DEFA4: variants seen among roughly 807,000 people sequenced by gnomAD.
The protein encoded by DEFA4 is defensin alpha 4.
A neutral mutation model predicts 4.4 loss-of-function variants in DEFA4; 8 were observed. The observed-to-expected ratio is 1.82, with a 90% CI of 1.07 to 3.29. The LOEUF (loss-of-function observed/expected upper bound fraction) is 3.29, where lower values mean the gene tolerates loss of function less well. DEFA4 is among the 30% of genes most tolerant of loss of function. The pLI, the probability that DEFA4 is intolerant of heterozygous loss-of-function variation, is 0.00. For missense variants in DEFA4, 216 were observed against 127.0 expected (o/e 1.70, Z -3.37); for synonymous variants, 77 against 46.5 (o/e 1.66, Z -2.67).
chr8:6,936,586 C>T (rs945342904), intron 2 of DEFA4, 142 bp downstream of exon 2: 2 of 773,436 alleles, frequency 2.6e-6, no homozygotes, highest in Non-Finnish European at 3.9e-6. Flanking sequence ...TCTCTCTATT[C>T]AGTTTGGAGA....
chr8:6,936,763 A>G lies in DEFA4; in HGVS notation c.137T>C (p.Phe46Ser). ...AAGAGCAGAGCTTTTATCCCATGCA[A>G]AGGAAATAGATATGTCCTGGTCTTC... Reference protein sequence around the residue: ...GPEDQDISISFAWDKSSALQV... With the variant: ...GPEDQDISISSAWDKSSALQV... Residue 46 changes from phenylalanine to serine, a missense_variant, in exon 2 of 3, where the codon TTT becomes TCT. Physicochemically the swap from Phe to Ser is radical, Grantham distance 155. Transcript: ENST00000297435. 6.2e-7 allele frequency: 1 copy of G among 1,611,872 alleles called. No individual in the cohort carries two copies. The highest frequency in any genetic ancestry group is 8.5e-7 in the Non-Finnish European group (1 of 1,178,852).
intron 1 of DEFA4, 56 bp from the exon 2 acceptor site, chr8:6,936,967 T>C: frequency 1.4e-6 from 2 of 1,390,264 alleles, no homozygotes; most frequent in South Asian, 3.2e-5. Context: ...AGCTTGGATT[T>C]ATAGCTTTGC....
chr8:6,936,804 C>T lies in DEFA4; in HGVS notation c.96G>A (p.Gln32=). The T allele has an allele frequency of 6.2e-7, 1 of 1,613,814 alleles. No homozygotes were observed. Among genetic ancestry groups the T allele is most frequent in the Non-Finnish European group, 8.5e-7 (1 of 1,179,878 alleles). The part of the protein sequence containing the change: ...LQARGDEAPG[Q]EQRGPEDQDI... ...CCTGGTCTTCTGGCCCACGCTGCTC[C>T]TGGCCTGGAGCCTCATCACCTCTTG... Residue 32 remains glutamine (Q), a synonymous_variant, in exon 2 of 3, where the codon CAG becomes CAA. Coordinates refer to ENST00000297435, the MANE Select transcript of DEFA4 (RefSeq NM_001925.3).
At chr8:6,937,351 G>A (rs539116291) in intron 1 of DEFA4, among the ~76,000 whole-genome samples, 38 of 152,148 alleles carry the variant, frequency 2.5e-4, no homozygotes, top group South Asian at 8.4e-4. Context: ...CCTGTATTCC[G>A]GTGGAGTAGA....
In DEFA4 at chr8:6,935,973, A is replaced by T. The variant is rs768898104; in HGVS notation, c.*47T>A. On this transcript the variant is annotated 3_prime_UTR_variant, in exon 3 of 3. Transcript: ENST00000297435. ...TGCAGAAGCATGTGAAGCTAACACC[A>T]CCGATGATGGCGTTCCCAGCATGAC... 1.2e-6 allele frequency: 2 copies of T among 1,611,692 alleles called. No homozygotes were observed. The highest frequency in any genetic ancestry group is 1.7e-6 in the Non-Finnish European group (2 of 1,178,054).
At chr8:6,936,971 G>A (rs56080226) in intron 1 of DEFA4, 60 bp from the exon 2 acceptor site, 26,315 of 1,363,764 alleles carry the variant, frequency 0.019, 360 homozygotes, top group South Asian at 0.034. Flanking sequence ...TGGATTTATA[G>A]CTTTGCTGGG....
chr8:6,936,613 C>T (rs762841558), intron 2 of DEFA4, 115 bp downstream of exon 2: 56 of 1,100,290 alleles, frequency 5.1e-5, no homozygotes, highest in Non-Finnish European at 6.6e-5. Flanking sequence ...AATCGAGGCC[C>T]AGAGATGGTA....
chr8:6,937,016 G>C, intron 1 of DEFA4, 105 bp from the exon 2 acceptor site: 1 of 1,000,980 alleles, frequency 1.0e-6, no homozygotes, highest in East Asian at 2.9e-5. Context: ...TTGGCCTTCT[G>C]AGTGAGAGGA....
At chr8:6,936,566 C>T (rs914198062) in intron 2 of DEFA4, among the ~76,000 whole-genome samples, 162 bp downstream of exon 2, 4 of 152,164 alleles carry the variant, frequency 2.6e-5, no homozygotes, top group Admixed American at 6.5e-5. Flanking sequence ...AGACTACTTA[C>T]ATTTGTTTGT....
At position 6,936,174 on chromosome 8, in the gene DEFA4, C is replaced by T. The variant is rs561916588; in HGVS notation, c.173-33G>A. On this transcript the variant is annotated intron_variant, in intron 2 of 2. Coordinates refer to ENST00000297435, the MANE Select transcript of DEFA4 (RefSeq NM_001925.3). ...CACAGAGGAAGCATGAGAAATTAAG[C>T]ACCAAGGTCAGCGGTGGGTGGTAAA... 13 of 1,611,002 alleles carry T rather than the reference C, an allele frequency of 8.1e-6. No individual in the cohort carries two copies. In the South Asian group the frequency reaches 1.1e-4, roughly 14 times the overall value.
At position 6,935,928 on chromosome 8, in the gene DEFA4, C is replaced by G; in HGVS notation, c.*92G>C. 6.3e-7 allele frequency: 1 copy of G among 1,580,966 alleles called. No homozygotes were observed. The highest frequency in any genetic ancestry group is 8.7e-7 in the Non-Finnish European group (1 of 1,154,430). On this transcript the variant is annotated 3_prime_UTR_variant, in exon 3 of 3. Transcript: ENST00000297435. ...CAAAGCAAATTATGAGCTCATTTTTCTCTATTCTGCAAGCTCAGCTGCAGA... is the reference window on the plus strand; with the variant it reads ...CAAAGCAAATTATGAGCTCATTTTTGTCTATTCTGCAAGCTCAGCTGCAGA...
chr8:6,937,862 A>G (rs764837850), intron 1 of DEFA4, among the ~76,000 whole-genome samples: 1 of 152,188 alleles, frequency 6.6e-6, no homozygotes, highest in African/African-American at 2.4e-5. Flanking sequence ...GAAGGGGTAA[A>G]TATCTGAATA....
intron 2 of DEFA4, 140 bp from the exon 3 acceptor site, chr8:6,936,281 T>G: frequency 9.9e-7 from 1 of 1,005,790 alleles, no homozygotes; most frequent in South Asian, 1.6e-5. Context: ...CCTTAGTCAA[T>G]AGGAATAAAT....
intron 1 of DEFA4, 108 bp from the exon 2 acceptor site, chr8:6,937,019 T>C: frequency 1.0e-6 from 1 of 962,226 alleles, no homozygotes; most frequent in Non-Finnish European, 1.4e-6. Context: ...GCCTTCTGAG[T>C]GAGAGGAGGT....
chr8:6,936,723 C>G lies in DEFA4; in HGVS notation c.172+5G>C, dbSNP rs774101931. On this transcript the variant is annotated splice_donor_5th_base_variant and intron_variant, in intron 2 of 2. Coordinates refer to ENST00000297435, the MANE Select transcript of DEFA4 (RefSeq NM_001925.3). ...CGGTAGCTTTTTTATGCTGGCCTCTCTCACCTGAAACCTGAAGAGCAGAGC... is the reference window on the plus strand; with the variant it reads ...CGGTAGCTTTTTTATGCTGGCCTCTGTCACCTGAAACCTGAAGAGCAGAGC... 2.5e-6 allele frequency: 4 copies of G among 1,586,304 alleles called. No homozygotes were observed. Among genetic ancestry groups the G allele is most frequent in the Non-Finnish European group, 8.6e-7 (1 of 1,162,588 alleles).
chr8:6,935,911 A>T lies in DEFA4; in HGVS notation c.*109T>A, dbSNP rs568379406. The T allele has an allele frequency of 1.2e-4, 181 of 1,523,284 alleles. No individual in the cohort carries two copies. The highest frequency in any genetic ancestry group is 1.6e-4 in the Non-Finnish European group (175 of 1,104,622). The allele number at this position is 1,523,284 out of a possible 1,614,324, so 94.4% of individuals were successfully genotyped here. A position where few individuals can be genotyped will look rare whatever the true frequency, so the allele number is the denominator to read the frequency against. ...CCATTTCCTGTAGCTCTCAAAGCAA[A>T]TTATGAGCTCATTTTTCTCTATTCT... On this transcript the variant is annotated 3_prime_UTR_variant, in exon 3 of 3. Transcript: ENST00000297435.
Position 6,936,762 on chromosome 8 carries a change from A to C in DEFA4, c.138T>G (p.Phe46Leu), listed in dbSNP as rs1380412474. ...GPEDQDISIS[F>L]AWDKSSALQV... is the part of the protein sequence containing the mutation. The stretch of plus-strand genomic sequence containing the variant: ...GAAGAGCAGAGCTTTTATCCCATGC[A>C]AAGGAAATAGATATGTCCTGGTCTT... The change falls in exon 2 of 3, where the codon TTT becomes TTG. Residue 46 changes from phenylalanine (F) to leucine (L), a missense_variant. By Grantham distance (22) the Phe-to-Leu change is conservative. Transcript: ENST00000297435. 4 of 1,611,950 alleles carry C rather than the reference A, an allele frequency of 2.5e-6. No homozygotes were observed. Among genetic ancestry groups the C allele is most frequent in the Non-Finnish European group, 8.5e-7 (1 of 1,178,910 alleles).
At position 6,936,812 on chromosome 8, in the gene DEFA4, G is replaced by C. The variant is rs757891881; in HGVS notation, c.88C>G (p.Pro30Ala). The change falls in exon 2 of 3, where the codon CCA becomes GCA. Residue 30 changes from proline (P) to alanine (A), a missense_variant. By Grantham distance (27) the Pro-to-Ala change is conservative. Coordinates refer to ENST00000297435, the MANE Select transcript of DEFA4 (RefSeq NM_001925.3). ...TCTGGCCCACGCTGCTCCTGGCCTG[G>C]AGCCTCATCACCTCTTGCCTGGAGT... ...GPLQARGDEA[P>A]GQEQRGPEDQ... is the part of the protein sequence containing the mutation. The C allele has an allele frequency of 1.2e-6, 2 of 1,613,730 alleles. No individual in the cohort carries two copies. Among genetic ancestry groups the C allele is most frequent in the African/African-American group, 1.3e-5 (1 of 75,032 alleles).
intron 2 of DEFA4, 80 bp from the exon 3 acceptor site, chr8:6,936,221 T>C (rs900120283): frequency 3.2e-6 from 5 of 1,580,372 alleles, no homozygotes; most frequent in Non-Finnish European, 4.3e-6. Context: ...AGAAGTCACA[T>C]GCTGGCTGAC....
Sources: gnomAD v4.1 joint callset for allele counts (sites outside exome capture counted in the v4.1 genomes callset) on GRCh38, gnomAD v4.1.1 for gene constraint, MANE v1.5 for transcripts, NCBI Gene and HGNC (gene_info 2026-07-23, HGNC 2026-07-21) for gene names.